INPP4B: variants seen among roughly 807,000 people sequenced by gnomAD.
INPP4B encodes the protein inositol polyphosphate 4-phosphatase type II.
Under a neutral mutation model 122.5 loss-of-function variants are expected in INPP4B, and 55 were observed. The ratio of observed to expected loss-of-function variants is 0.45; its 90% confidence interval spans 0.36 to 0.56. The LOEUF (loss-of-function observed/expected upper bound fraction) is 0.56, where lower values mean the gene tolerates loss of function less well. Ranked by LOEUF, INPP4B falls within the 20% of genes least tolerant of loss-of-function variation. The pLI is 0.00. For synonymous variants in INPP4B, 403 were observed against 388.7 expected, an observed-to-expected ratio of 1.04 and a Z score of -0.43; for missense variants, 1,000 against 1,097.7, an observed-to-expected ratio of 0.91 and a Z score of 1.26.
intron 1 of INPP4B, among the ~76,000 whole-genome samples, chr4:142,789,670 A>G (rs1776261329): frequency 1.3e-5 from 2 of 152,144 alleles, no homozygotes; most frequent in Non-Finnish European, 2.9e-5. Flanking sequence ...GCCAAAAGCA[A>G]TCTATAAATT....
At chr4:142,229,192 C>T (rs1299377394) in intron 12 of INPP4B, among the ~76,000 whole-genome samples, 1 of 151,700 alleles carries the variant, frequency 6.6e-6, no homozygotes, top group Non-Finnish European at 1.5e-5. Context: ...ATTTAAGCAA[C>T]AATTTATATT....
At chr4:142,813,200 A>G (rs1779729474) in intron 1 of INPP4B, among the ~76,000 whole-genome samples, 1 of 152,228 alleles carries the variant, frequency 6.6e-6, no homozygotes, top group African/African-American at 2.4e-5. Context: ...AAATGACACT[A>G]TCTTACAACC....
chr4:142,676,061 CT>C (rs1757717868), intron 2 of INPP4B, among the ~76,000 whole-genome samples: 3 of 152,170 alleles, frequency 2.0e-5, no homozygotes, highest in African/African-American at 4.8e-5. Flanking sequence ...CAAATTGTCT[CT>C]GTTTGCAGAT....
At chr4:142,108,675 G>A (rs927403218) in intron 22 of INPP4B, among the ~76,000 whole-genome samples, 2 of 152,142 alleles carry the variant, frequency 1.3e-5, no homozygotes, top group Non-Finnish European at 2.9e-5. Flanking sequence ...CACACGTAGA[G>A]CCAGATTTCC....
intron 2 of INPP4B, among the ~76,000 whole-genome samples, chr4:142,532,209 T>C (rs1267353505): frequency 6.6e-6 from 1 of 152,204 alleles, no homozygotes; most frequent in East Asian, 1.9e-4. Flanking sequence ...AAAAACCACT[T>C]GAGGGCCTGC....
Position 142,427,561 on chromosome 4 carries a change from A to G in INPP4B, c.136+1612T>C, listed in dbSNP as rs180736398. 6 of 535,384 alleles carry G rather than the reference A, an allele frequency of 1.1e-5. No individual in the cohort carries two copies. In the East Asian group the frequency reaches 1.6e-4, roughly 14 times the overall value. 33.2% of individuals were successfully genotyped at this position (535,384 alleles called of 1,614,324 possible). On this transcript the variant is annotated intron_variant, in intron 5 of 25. Coordinates refer to ENST00000262992, the MANE Select transcript of INPP4B (RefSeq NM_001101669.3). ...CAGCATAGTTAGGTCTTTGAACAAGATAGATTCTCTTAATTGCACTAGAAG... is the reference window on the plus strand; with the variant it reads ...CAGCATAGTTAGGTCTTTGAACAAGGTAGATTCTCTTAATTGCACTAGAAG...
intron 1 of INPP4B, among the ~76,000 whole-genome samples, chr4:142,806,428 A>T (rs749868381): frequency 1.3e-4 from 19 of 151,972 alleles, no homozygotes; most frequent in Non-Finnish European, 2.4e-4. Context: ...TCTCTAAAAC[A>T]CTGCAGAATA....
chr4:142,097,026 G>T (rs182410773), intron 23 of INPP4B, among the ~76,000 whole-genome samples: 12 of 151,940 alleles, frequency 7.9e-5, no homozygotes, highest in Admixed American at 3.9e-4. Flanking sequence ...TTTAAAAAAT[G>T]CAAATGAGGG....
chr4:142,547,957 G>A (rs1727012673), intron 2 of INPP4B, among the ~76,000 whole-genome samples: 1 of 152,130 alleles, frequency 6.6e-6, no homozygotes, highest in African/African-American at 2.4e-5. Context: ...TTTTATTTGA[G>A]AGCTTGAACT....
At chr4:142,685,422 A>T (rs1050176318) in intron 2 of INPP4B, among the ~76,000 whole-genome samples, 2 of 152,132 alleles carry the variant, frequency 1.3e-5, no homozygotes, top group African/African-American at 4.8e-5. Context: ...TATAAACAAT[A>T]AATATTTTAG....
At chr4:142,780,366 C>T in intron 1 of INPP4B, among the ~76,000 whole-genome samples, 1 of 151,942 alleles carries the variant, frequency 6.6e-6, no homozygotes, top group East Asian at 1.9e-4. Context: ...GAATTTTCAG[C>T]AATAGAATCT....
intron 17 of INPP4B, 38 bp downstream of exon 17, chr4:142,160,320 C>T (rs1264500778): frequency 7.7e-7 from 1 of 1,300,008 alleles, no homozygotes; most frequent in African/African-American, 1.5e-5. Context: ...TTTCTCATTG[C>T]CAAACATTGA....
chr4:142,030,339 T>C (rs558921597), intron 25 of INPP4B: 1 of 1,514,676 alleles, frequency 6.6e-7, no homozygotes, highest in Non-Finnish European at 8.9e-7. Flanking sequence ...GAAAAGAAAA[T>C]AGTATAGAGT....
At chr4:142,178,625 G>A (rs1329663188) in intron 15 of INPP4B, among the ~76,000 whole-genome samples, 2 of 151,982 alleles carry the variant, frequency 1.3e-5, no homozygotes, top group Non-Finnish European at 2.9e-5. Context: ...AAAAAATAGA[G>A]ATGAGAGATG....
At chr4:142,239,039 G>A (rs980031580) in intron 11 of INPP4B, among the ~76,000 whole-genome samples, 3 of 151,958 alleles carry the variant, frequency 2.0e-5, no homozygotes, top group Admixed American at 6.6e-5. Context: ...ATGGTATGTC[G>A]GCTAGATCTT....
At chr4:142,546,543 T>A (rs997890944) in intron 2 of INPP4B, among the ~76,000 whole-genome samples, 1 of 152,160 alleles carries the variant, frequency 6.6e-6, no homozygotes, top group African/African-American at 2.4e-5. Flanking sequence ...AATCCCAGGT[T>A]CTTTGTCTTG....
At chr4:142,179,226 A>G (rs1202041843) in intron 15 of INPP4B, among the ~76,000 whole-genome samples, 1 of 152,112 alleles carries the variant, frequency 6.6e-6, no homozygotes, top group Non-Finnish European at 1.5e-5. Flanking sequence ...TAGTCCCAGC[A>G]TTTTGGGAGG....
chr4:142,113,992 A>T (rs2152711152), intron 21 of INPP4B, among the ~76,000 whole-genome samples: 1 of 152,104 alleles, frequency 6.6e-6, no homozygotes, highest in East Asian at 1.9e-4. Flanking sequence ...AAAGCCACAC[A>T]TCTATTTTCT....
chr4:142,347,572 T>C (rs1343949084), intron 7 of INPP4B: 1 of 393,824 alleles, frequency 2.5e-6, no homozygotes, highest in East Asian at 8.5e-5. Context: ...TTAGAAAAGA[T>C]GCTATTATTT....
Sources: gnomAD v4.1 joint callset for allele counts (sites outside exome capture counted in the v4.1 genomes callset) on GRCh38, gnomAD v4.1.1 for gene constraint, MANE v1.5 for transcripts, NCBI Gene and HGNC (gene_info 2026-07-23, HGNC 2026-07-21) for gene names.